The following LARP1 variants were observed in gnomAD, a reference collection of about 807,000 sequenced individuals.
The protein encoded by LARP1 is La ribonucleoprotein 1, translational regulator.
A neutral mutation model predicts 122.7 loss-of-function variants in LARP1; 36 were observed. That is an observed-to-expected ratio of 0.29 (90% CI 0.22 to 0.39). LARP1 has a LOEUF of 0.39. LARP1 is among the 10% of genes least tolerant of loss of function. LARP1 has a pLI of 1.00. For synonymous variants in LARP1, 539 were observed against 528.7 expected, an observed-to-expected ratio of 1.02 and a Z score of -0.27; for missense variants, 1,040 against 1,403.6, an observed-to-expected ratio of 0.74 and a Z score of 4.14.
At chr5:154,725,203 A>C (rs1756129117) in intron 1 of LARP1, among the ~76,000 whole-genome samples, 1 of 151,942 alleles carries the variant, frequency 6.6e-6, no homozygotes, top group Non-Finnish European at 1.5e-5. Context: ...AAGCCTAGCC[A>C]AGATGGTAAA....
chr5:154,731,692 C>T (rs1282776037), intron 1 of LARP1, among the ~76,000 whole-genome samples: 2 of 152,134 alleles, frequency 1.3e-5, no homozygotes, highest in African/African-American at 4.8e-5. Context: ...AATAGTCCCA[C>T]TGTCATTCGG....
intron 14 of LARP1, 47 bp downstream of exon 14, chr5:154,804,354 G>T (rs762120723): frequency 1.2e-5 from 17 of 1,374,732 alleles, no homozygotes; most frequent in Non-Finnish European, 1.8e-5. Context: ...CTATGGGATG[G>T]GTGGGCGAGC....
intron 8 of LARP1, among the ~76,000 whole-genome samples, chr5:154,796,131 T>TTTATATATTTATATATTATATATATATA (rs1757819232): frequency 7.9e-6 from 1 of 125,992 alleles, no homozygotes; most frequent in Admixed American, 1.1e-4. Context: ...TTATATATAT[T>TTTATATATTTATATATTATATATATATA]TTATATATTT....
intron 1 of LARP1, among the ~76,000 whole-genome samples, chr5:154,740,256 G>A (rs1757156101): frequency 6.6e-6 from 1 of 152,074 alleles, no homozygotes; most frequent in African/African-American, 2.4e-5. Flanking sequence ...AGCCAGGCGT[G>A]GTGGCACATG....
At chr5:154,691,430 C>G (rs1013100987) in intron 1 of LARP1, among the ~76,000 whole-genome samples, 2 of 152,180 alleles carry the variant, frequency 1.3e-5, no homozygotes, top group African/African-American at 4.8e-5. Context: ...CAGCTCACAT[C>G]CCCCTGCGAC....
At chr5:154,790,831 C>T (rs1757281740) in intron 3 of LARP1, 121 bp downstream of exon 3, 9 of 906,210 alleles carry the variant, frequency 9.9e-6, no homozygotes, top group African/African-American at 1.7e-5. Context: ...TCTTTTTTTT[C>T]CCCCCAACAG....
At position 154,771,745 on chromosome 5, in the gene LARP1, T is replaced by C. The variant is rs139973360; in HGVS notation, c.436+15552T>C. 2.4e-3 allele frequency among the ~76,000 whole-genome samples: 372 copies of C among 152,298 alleles called. 2 individuals are homozygous for C. The highest frequency in any genetic ancestry group is 8.4e-3 in the African/African-American group (347 of 41,556). Reference sequence around the variant, plus strand: ...CCAGGCACTGATCCTGCTGGGGAGCTCTGGCTCTTATTCCCCTAGAGATGT... The same window carrying C: ...CCAGGCACTGATCCTGCTGGGGAGCCCTGGCTCTTATTCCCCTAGAGATGT... On this transcript the variant is annotated intron_variant, in intron 1 of 18. Transcript: ENST00000518297.
chr5:154,701,712 C>T (rs1754722978), intron 1 of LARP1, among the ~76,000 whole-genome samples: 1 of 151,434 alleles, frequency 6.6e-6, no homozygotes, highest in Non-Finnish European at 1.5e-5. Context: ...ACCTCCGCCT[C>T]CCAGGTTGAA....
chr5:154,714,131 C>A (rs4446521), intron 1 of LARP1, among the ~76,000 whole-genome samples: 3 of 152,180 alleles, frequency 2.0e-5, no homozygotes, highest in African/African-American at 7.2e-5. Context: ...CAGGATTGTT[C>A]TTATGACCAA....
chr5:154,772,092 A>C (rs569974424), intron 1 of LARP1, among the ~76,000 whole-genome samples: 5 of 152,378 alleles, frequency 3.3e-5, no homozygotes, highest in African/African-American at 1.2e-4. Flanking sequence ...GCACATGAAC[A>C]TAAATACACA....
At chr5:154,765,534 C>A (rs1754869682) in intron 1 of LARP1, among the ~76,000 whole-genome samples, 1 of 152,162 alleles carries the variant, frequency 6.6e-6, no homozygotes, top group Non-Finnish European at 1.5e-5. Context: ...GCTGAGACTA[C>A]AGGCACACGT....
chr5:154,706,799 C>T (rs960674044), intron 1 of LARP1, among the ~76,000 whole-genome samples: 1 of 151,326 alleles, frequency 6.6e-6, no homozygotes, highest in African/African-American at 2.4e-5. Flanking sequence ...AGGGACTTGT[C>T]TATAAGGTAA....
At chr5:154,696,984 G>A (rs1172422676) in intron 1 of LARP1, among the ~76,000 whole-genome samples, 1 of 152,162 alleles carries the variant, frequency 6.6e-6, no homozygotes, top group Non-Finnish European at 1.5e-5. Context: ...ATAAGATAAT[G>A]TAAACAATAG....
intron 1 of LARP1, among the ~76,000 whole-genome samples, chr5:154,714,878 G>T (rs1391430507): frequency 1.3e-5 from 2 of 152,194 alleles, no homozygotes; most frequent in African/African-American, 4.8e-5. Context: ...GTGCACAGGA[G>T]CTAATGAAAT....
rs148189438 is a variant in LARP1 at position 154,802,996 on chromosome 5, G to C, written c.2110-294G>C. Among the ~76,000 whole-genome samples the C allele has an allele frequency of 2.5e-3, 386 of 152,260 alleles. 2 individuals are homozygous for C. The highest frequency in any genetic ancestry group is 9.1e-3 in the African/African-American group (379 of 41,548). Reference sequence around the variant, plus strand: ...CAGAAAGAGAGATGGGGAAACACTGGAGCTTTCAGGGGGGAGTGTGTAGTG... The same window carrying C: ...CAGAAAGAGAGATGGGGAAACACTGCAGCTTTCAGGGGGGAGTGTGTAGTG... On this transcript the variant is annotated intron_variant, in intron 11 of 18. Transcript: ENST00000518297. This position sits in a 1 kb window ranked among gnomAD's most constrained non-coding sequence, Gnocchi z 5.1.
Position 154,704,192 on chromosome 5 carries a change from G to A in LARP1, c.-180+21155G>A, listed in dbSNP as rs899456329. Among the ~76,000 whole-genome samples the A allele has an allele frequency of 8.3e-4, 127 of 152,318 alleles. 1 individual carries two copies. Among genetic ancestry groups the A allele is most frequent in the African/African-American group, 2.9e-3 (119 of 41,570 alleles). ...TAAATGAGAAATGGGTTAATTACAA[G>A]TACGATAAGCACTGAGAAGGAAAAG... On this transcript the variant is annotated intron_variant, in intron 1 of 18. Transcript: ENST00000687700.
At chr5:154,773,003 T>TA (rs1554085321) in intron 1 of LARP1, among the ~76,000 whole-genome samples, 473 of 148,174 alleles carry the variant, frequency 3.2e-3, no homozygotes, top group African/African-American at 0.011. Context: ...TTTTTTTTTT[T>TA]AAAAGACCTT....
chr5:154,799,673 C>G lies in LARP1; in HGVS notation c.1460C>G (p.Pro487Arg). ...REEPEKWPLP[P>R]IVDYSQTDFS... ...GAACCAGAAAAGTGGCCTCTTCCCCCAATAGTGGATTATTCACAGACTGAT... is the reference window on the plus strand; with the variant it reads ...GAACCAGAAAAGTGGCCTCTTCCCCGAATAGTGGATTATTCACAGACTGAT... Residue 487 changes from proline (P) to arginine (R), a missense_variant, in exon 9 of 19, where the codon CCA becomes CGA. Physicochemically the swap from Pro to Arg is moderately radical, Grantham distance 103 (BLOSUM62 -2). This residue lies in a region of LARP1 where 362 missense variants were observed against 533.1 expected (regional missense o/e 0.68). Coordinates refer to ENST00000518297, the MANE Select transcript of LARP1 (RefSeq NM_033551.3). 6.2e-7 allele frequency: 1 copy of G among 1,614,172 alleles called. No individual in the cohort carries two copies. The highest frequency in any genetic ancestry group is 2.2e-5 in the East Asian group (1 of 44,890).
intron 14 of LARP1, 53 bp downstream of exon 14, chr5:154,804,360 C>A: frequency 7.8e-7 from 1 of 1,286,084 alleles, no homozygotes; most frequent in Non-Finnish European, 1.1e-6. Context: ...GATGGGTGGG[C>A]GAGCCATGAA....
Sources: allele counts gnomAD v4.1 joint callset (sites outside exome capture counted in the v4.1 genomes callset), GRCh38; gene constraint gnomAD v4.1.1; regional missense constraint gnomAD v4.1.1; non-coding constraint Gnocchi (gnomAD v3.1); transcripts MANE v1.5; gene names NCBI Gene and HGNC (gene_info 2026-07-23, HGNC 2026-07-21).